RALGAPA2: variants seen among roughly 807,000 people sequenced by gnomAD.
The protein encoded by RALGAPA2 is ral GTPase-activating protein subunit alpha-2.
RALGAPA2 carries 139 observed loss-of-function variants against 230.4 expected under a neutral mutation model. The ratio of observed to expected loss-of-function variants is 0.60; its 90% CI spans 0.53 to 0.69. The LOEUF is 0.69. Among genes scored for constraint, RALGAPA2 ranks in the 30% least tolerant of loss-of-function variants. RALGAPA2 has a pLI of 0.00. For missense variants in RALGAPA2, 2,163 were observed against 2,276.0 expected, an observed-to-expected ratio of 0.95 and a Z score of 1.01; for synonymous variants, 847 against 837.8, an observed-to-expected ratio of 1.01 and a Z score of -0.19.
At chr20:20,461,145 T>C (rs1251546919) in intron 37 of RALGAPA2, among the ~76,000 whole-genome samples, 1 of 152,236 alleles carries the variant, frequency 6.6e-6, no homozygotes, top group Admixed American at 6.5e-5. Flanking sequence ...TGTTTTCTGA[T>C]GTAGTCTTCT....
At chr20:20,452,500 A>C (rs1257192263) in intron 37 of RALGAPA2, among the ~76,000 whole-genome samples, 2 of 152,234 alleles carry the variant, frequency 1.3e-5, no homozygotes, top group African/African-American at 4.8e-5. Context: ...GGGTATCCCC[A>C]GCGGAAGGGC....
At chr20:20,605,454 T>A (rs1300050548) in intron 14 of RALGAPA2, 42 bp from the exon 15 acceptor site, 1 of 1,415,884 alleles carries the variant, frequency 7.1e-7, no homozygotes, top group East Asian at 2.3e-5. Context: ...ACATCTTCAT[T>A]TGGAAAAAGC....
intron 4 of RALGAPA2, among the ~76,000 whole-genome samples, chr20:20,648,675 T>C (rs1268255765): frequency 6.6e-6 from 1 of 151,382 alleles, no homozygotes; most frequent in Non-Finnish European, 1.5e-5. Flanking sequence ...TGGGGGTTGA[T>C]GGGTAACTTG....
chr20:20,442,186 G>A lies in RALGAPA2; in HGVS notation c.5496-30038C>T, dbSNP rs143596648. 1.2e-4 allele frequency among the ~76,000 whole-genome samples: 19 copies of A among 152,288 alleles called. No individual in the cohort carries two copies. The East Asian group carries it at 2.3e-3, about 19-fold the overall frequency. On this transcript the variant is annotated intron_variant, in intron 37 of 39. Coordinates refer to ENST00000202677, the MANE Select transcript of RALGAPA2 (RefSeq NM_020343.4). ...TCATTCAGCTTCTCTCTGTGCTTTC[G>A]CTTCTTTCTTGCAAAATGGGACAAC...
chr20:20,466,128 G>C (rs1329207010), intron 37 of RALGAPA2, among the ~76,000 whole-genome samples: 1 of 152,256 alleles, frequency 6.6e-6, no homozygotes, highest in Non-Finnish European at 1.5e-5. Context: ...CACCAGGAGG[G>C]ACTGTGGTGA....
At chr20:20,418,425 A>G (rs765756456) in intron 37 of RALGAPA2, among the ~76,000 whole-genome samples, 3 of 152,200 alleles carry the variant, frequency 2.0e-5, no homozygotes, top group Admixed American at 1.3e-4. Flanking sequence ...TTGGGAGAGC[A>G]ATCTGACCTT....
chr20:20,491,186 C>G (rs187108147), intron 36 of RALGAPA2, among the ~76,000 whole-genome samples: 2 of 152,290 alleles, frequency 1.3e-5, no homozygotes, highest in African/African-American at 4.8e-5. Context: ...TGTCCCATCT[C>G]CTGTCTTACT....
chr20:20,639,242 G>A (rs1232535585), intron 7 of RALGAPA2, among the ~76,000 whole-genome samples: 1 of 152,210 alleles, frequency 6.6e-6, no homozygotes, highest in African/African-American at 2.4e-5. Flanking sequence ...AAGGACAAGA[G>A]AAGTATTTGC....
chr20:20,394,889 C>CAAAAAAAAAAAAAAAAAAAAAGAA (rs2059678271), intron 39 of RALGAPA2, among the ~76,000 whole-genome samples: 1 of 44,648 alleles, frequency 2.2e-5, no homozygotes, highest in African/African-American at 9.2e-5. Context: ...AATAAATAAG[C>CAAAAAAAAAAAAAAAAAAAAAGAA]AAAAAAAAAA....
intron 38 of RALGAPA2, among the ~76,000 whole-genome samples, chr20:20,397,889 G>A (rs766525880): frequency 1.2e-4 from 18 of 152,150 alleles, no homozygotes; most frequent in Non-Finnish European, 2.4e-4. Context: ...ATCGTGGGTC[G>A]TGTATGATCC....
At position 20,398,614 on chromosome 20, in the gene RALGAPA2, G is replaced by T. The variant is rs144951165; in HGVS notation, c.5618-1880C>A. Reference sequence around the variant, plus strand: ...CTGATACATCTCTGGGGTACGCACAGGGCACTGACCAACCTGGGCAGTGTG... The same window carrying T: ...CTGATACATCTCTGGGGTACGCACATGGCACTGACCAACCTGGGCAGTGTG... On this transcript the variant is annotated intron_variant, in intron 38 of 39. Transcript: ENST00000202677. The surrounding 1 kb of genome is among the most constrained non-coding windows in gnomAD (Gnocchi z 4.5). 8.7e-4 allele frequency among the ~76,000 whole-genome samples: 133 copies of T among 152,278 alleles called. No individual in the cohort carries two copies. The highest frequency in any genetic ancestry group is 3.1e-3 in the African/African-American group (129 of 41,556).
chr20:20,546,148 A>AT (rs1161379743), intron 24 of RALGAPA2, among the ~76,000 whole-genome samples: 1 of 152,144 alleles, frequency 6.6e-6, no homozygotes, highest in Admixed American at 6.5e-5. Context: ...AGTAAAAATA[A>AT]TTTTTTTGTA....
In RALGAPA2 at chr20:20,512,981, A is replaced by C; in HGVS notation, c.4388T>G (p.Val1463Gly). The C allele has an allele frequency of 6.2e-7, 1 of 1,613,804 alleles. No homozygotes were observed. Residue 1463 changes from valine to glycine, a missense_variant, in exon 32 of 40, where the codon GTG becomes GGG. By Grantham distance (109) the Val-to-Gly change is moderately radical (BLOSUM62 -3). Coordinates refer to ENST00000202677, the MANE Select transcript of RALGAPA2 (RefSeq NM_020343.4). ...VGSLSDVRVI[V>G]RDISGKYSWD... ...AGAGTACTTCCCTGAGATATCCCTC[A>C]CAATTACTCTCACATCAGAGAGAGA...
chr20:20,643,023 G>A (rs1400152569), intron 5 of RALGAPA2, among the ~76,000 whole-genome samples: 1 of 152,094 alleles, frequency 6.6e-6, no homozygotes, highest in African/African-American at 2.4e-5. Flanking sequence ...CTATAAATCT[G>A]CCACAAATAA....
chr20:20,591,908 A>C (rs965358255), intron 16 of RALGAPA2, among the ~76,000 whole-genome samples: 2 of 152,226 alleles, frequency 1.3e-5, no homozygotes, highest in African/African-American at 4.8e-5. Context: ...TGAGACATAA[A>C]ATAGAAAACC....
At chr20:20,633,664 G>C (rs991650185) in intron 9 of RALGAPA2, among the ~76,000 whole-genome samples, 5 of 151,978 alleles carry the variant, frequency 3.3e-5, no homozygotes, top group African/African-American at 9.7e-5. Flanking sequence ...ATTTTTACTA[G>C]AGATGGGGTT....
At chr20:20,571,655 T>A (rs1288448013) in intron 22 of RALGAPA2, 42 bp from the exon 23 acceptor site, 11 of 1,581,312 alleles carry the variant, frequency 7.0e-6, no homozygotes, top group Non-Finnish European at 9.5e-6. Context: ...CAAGCCCAGG[T>A]GCAGAGTATT....
intron 3 of RALGAPA2, among the ~76,000 whole-genome samples, chr20:20,675,059 A>G (rs1299496478): frequency 6.6e-6 from 1 of 152,236 alleles, no homozygotes; most frequent in Non-Finnish European, 1.5e-5. Context: ...GTACAAACAA[A>G]TGATGGTCAG....
chr20:20,549,557 A>G (rs1418767168), intron 23 of RALGAPA2, among the ~76,000 whole-genome samples: 1 of 152,176 alleles, frequency 6.6e-6, no homozygotes, highest in Admixed American at 6.5e-5. Flanking sequence ...AGAGGGAACT[A>G]TATGACCAGT....
Sources: gnomAD v4.1 joint callset for allele counts (sites outside exome capture counted in the v4.1 genomes callset) on GRCh38, gnomAD v4.1.1 for gene constraint, Gnocchi (gnomAD v3.1) non-coding constraint, MANE v1.5 for transcripts, NCBI Gene and HGNC (gene_info 2026-07-23, HGNC 2026-07-21) for gene names.